Variants in APBA2 observed in about 807,000 individuals in gnomAD.
APBA2 encodes the protein amyloid-beta A4 precursor protein-binding family A member 2.
A neutral mutation model predicts 75.0 loss-of-function variants in APBA2; 30 were observed. That is an observed-to-expected ratio of 0.40 (90% CI 0.30 to 0.54). APBA2 has a LOEUF of 0.54. Ranked by LOEUF, APBA2 falls within the 20% of genes least tolerant of loss-of-function variation. APBA2 has a pLI of 0.49. For missense variants in APBA2, 801 were observed against 1,016.1 expected (o/e 0.79, Z 2.88); for synonymous variants, 444 against 409.6 (o/e 1.08, Z -1.01).
intron 1 of APBA2, among the ~76,000 whole-genome samples, chr15:28,887,878 C>T (rs897163524): frequency 9.2e-5 from 14 of 152,220 alleles, no homozygotes; most frequent in African/African-American, 3.4e-4. Context: ...CGAGTCTTCC[C>T]TCTTATTTAT....
intron 1 of APBA2, among the ~76,000 whole-genome samples, chr15:28,902,859 G>A (rs1370292012): frequency 6.6e-6 from 1 of 152,120 alleles, no homozygotes; most frequent in African/African-American, 2.4e-5. Flanking sequence ...ATCCTTTTCG[G>A]TTCCTCTTTA....
At chr15:28,938,108 G>A (rs2034983302) in intron 2 of APBA2, among the ~76,000 whole-genome samples, 1 of 152,198 alleles carries the variant, frequency 6.6e-6, no homozygotes, top group South Asian at 2.1e-4. Context: ...TTTGGACTTA[G>A]TTATTAAAAA....
intron 3 of APBA2, among the ~76,000 whole-genome samples, chr15:29,020,847 C>A (rs1456655718): frequency 6.6e-6 from 1 of 152,038 alleles, no homozygotes. Context: ...TCCCAAATAA[C>A]CCCCAAACAA....
chr15:28,975,066 A>G (rs2037262204), intron 2 of APBA2, among the ~76,000 whole-genome samples: 1 of 152,196 alleles, frequency 6.6e-6, no homozygotes, highest in Admixed American at 6.5e-5. Context: ...CATTAACAGA[A>G]CAGAGCATAT....
chr15:29,053,803 G>A, intron 3 of APBA2, 42 bp from the exon 4 acceptor site: 1 of 1,305,828 alleles, frequency 7.7e-7, no homozygotes, highest in South Asian at 1.4e-5. Context: ...GCTGGGCTTT[G>A]TGGGGTTTTG....
chr15:28,892,060 T>G (rs2032163957), intron 1 of APBA2, among the ~76,000 whole-genome samples: 1 of 150,464 alleles, frequency 6.6e-6, no homozygotes. Flanking sequence ...GATGGGGTAC[T>G]GTGTTATATA....
At chr15:29,015,375 CAA>C (rs1046915200) in intron 3 of APBA2, among the ~76,000 whole-genome samples, 1 of 151,778 alleles carries the variant, frequency 6.6e-6, no homozygotes, top group Admixed American at 6.6e-5. Flanking sequence ...TGTTAAGAGA[CAA>C]AAAAAATGTG....
chr15:28,933,877 G>T (rs2152692000), intron 2 of APBA2, among the ~76,000 whole-genome samples: 1 of 152,346 alleles, frequency 6.6e-6, no homozygotes, highest in Admixed American at 6.5e-5. Flanking sequence ...AGGAGGGGCT[G>T]CCCACATGGG....
intron 1 of APBA2, among the ~76,000 whole-genome samples, chr15:28,915,862 C>T (rs2033666657): frequency 6.6e-6 from 1 of 151,380 alleles, no homozygotes; most frequent in Admixed American, 6.6e-5. Flanking sequence ...ACACCACACC[C>T]TCCAGGACAC....
intron 1 of APBA2, among the ~76,000 whole-genome samples, chr15:28,915,057 C>G (rs2033604465): frequency 7.4e-6 from 1 of 136,038 alleles, no homozygotes; most frequent in Non-Finnish European, 1.6e-5. Flanking sequence ...CTCACACACA[C>G]CACACACATA....
intron 2 of APBA2, among the ~76,000 whole-genome samples, chr15:28,983,703 G>A (rs949229715): frequency 6.6e-6 from 1 of 152,222 alleles, no homozygotes; most frequent in Non-Finnish European, 1.5e-5. Context: ...CTGGCCTGGG[G>A]TCAGCTCTGT....
intron 6 of APBA2, among the ~76,000 whole-genome samples, chr15:29,089,256 C>T (rs2043438606): frequency 6.6e-6 from 1 of 152,212 alleles, no homozygotes; most frequent in Non-Finnish European, 1.5e-5. Context: ...TTGGGCAAAG[C>T]CACGTGACCC....
chr15:29,096,316 G>T (rs1260785562), intron 8 of APBA2, among the ~76,000 whole-genome samples: 1 of 152,148 alleles, frequency 6.6e-6, no homozygotes, highest in African/African-American at 2.4e-5. Context: ...TTACTGATGG[G>T]TTTTCCACTG....
At chr15:28,978,898 G>T (rs2037477689) in intron 2 of APBA2, among the ~76,000 whole-genome samples, 1 of 152,194 alleles carries the variant, frequency 6.6e-6, no homozygotes, top group South Asian at 2.1e-4. Flanking sequence ...CTGCTTAATG[G>T]GCCTGAAAGC....
chr15:29,093,295 G>A, intron 7 of APBA2, 75 bp downstream of exon 7: 5 of 1,574,978 alleles, frequency 3.2e-6, no homozygotes, highest in Non-Finnish European at 4.3e-6. Context: ...ATATGGCGGG[G>A]CGTAGGCCCT....
chr15:29,006,513 A>T (rs1265274579), intron 3 of APBA2, among the ~76,000 whole-genome samples: 3 of 152,246 alleles, frequency 2.0e-5, no homozygotes, highest in Non-Finnish European at 4.4e-5. Flanking sequence ...TAATACAGAC[A>T]TACTCGAGAC....
In APBA2 at chr15:29,078,022, C is replaced by T. The variant is rs145029232; in HGVS notation, c.1069+1931C>T. Among the ~76,000 whole-genome samples, 514 of 152,328 alleles carry T rather than the reference C, an allele frequency of 3.4e-3. 7 individuals carry two copies. Among genetic ancestry groups the T allele is most frequent in the African/African-American group, 0.012 (506 of 41,592 alleles). On this transcript the variant is annotated intron_variant, in intron 6 of 14. Coordinates refer to ENST00000683413, the MANE Select transcript of APBA2 (RefSeq NM_001353788.2). ...TTACATAAAGAAGTCCAGGGTTGGA[C>T]GTGGTGGCTCACGCCTGTAATCCCA...
intron 2 of APBA2, among the ~76,000 whole-genome samples, chr15:28,972,286 A>G (rs2037107649): frequency 6.6e-6 from 1 of 152,240 alleles, no homozygotes; most frequent in African/African-American, 2.4e-5. Flanking sequence ...GAACAGAACT[A>G]AAAATTTAAA....
intron 8 of APBA2, among the ~76,000 whole-genome samples, chr15:29,095,722 C>T (rs889285091): frequency 3.3e-5 from 5 of 152,240 alleles, no homozygotes; most frequent in African/African-American, 1.2e-4. Flanking sequence ...GACTTTGGTC[C>T]ACCTAGGATG....
Sources: allele counts gnomAD v4.1 joint callset (sites outside exome capture counted in the v4.1 genomes callset), GRCh38; gene constraint gnomAD v4.1.1; transcripts MANE v1.5; gene names NCBI Gene and HGNC (gene_info 2026-07-23, HGNC 2026-07-21).